STX18: variants seen among roughly 807,000 people sequenced by gnomAD.
STX18 encodes the protein syntaxin-18.
In STX18, 40 loss-of-function variants were observed where a neutral mutation model predicts 50.1. The ratio of observed to expected loss-of-function variants is 0.80; its 90% CI spans 0.62 to 1.04. The LOEUF (loss-of-function observed/expected upper bound fraction) is 1.04. STX18 is among the 50% of genes least tolerant of loss of function. The pLI, the probability that STX18 is intolerant of heterozygous loss-of-function variation, is 0.00. For synonymous variants in STX18, 158 were observed against 151.8 expected (o/e 1.04, Z -0.30); for missense variants, 410 against 415.8 (o/e 0.99, Z 0.12).
chr4:4,449,123 T>G (rs1041283863), intron 5 of STX18, among the ~76,000 whole-genome samples: 3 of 149,714 alleles, frequency 2.0e-5, no homozygotes, highest in African/African-American at 4.9e-5. Flanking sequence ...CATAGCTCAC[T>G]GCAGCCTTGA....
At chr4:4,425,445 T>C in intron 7 of STX18, 1 of 599,826 alleles carries the variant, frequency 1.7e-6, no homozygotes. Context: ...AATTGACTTC[T>C]CCATCTCAAC....
At chr4:4,422,569 C>CAA (rs59060926) in intron 9 of STX18, among the ~76,000 whole-genome samples, 1 of 107,648 alleles carries the variant, frequency 9.3e-6, no homozygotes, top group Non-Finnish European at 2.1e-5. Flanking sequence ...ACTCTGTCTC[C>CAA]AAAAAAAAAA....
intron 5 of STX18, among the ~76,000 whole-genome samples, chr4:4,443,502 A>G (rs1726229229): frequency 6.6e-6 from 1 of 152,266 alleles, no homozygotes; most frequent in African/African-American, 2.4e-5. Flanking sequence ...GTAAGGACCC[A>G]GTAGATCTGA....
chr4:4,535,606 A>G (rs1347143985), intron 1 of STX18, among the ~76,000 whole-genome samples: 1 of 152,126 alleles, frequency 6.6e-6, no homozygotes, highest in African/African-American at 2.4e-5. Flanking sequence ...TCTCTCCCCA[A>G]ACCTCTCACT....
Position 4,420,834 on chromosome 4 carries a change from T to G in STX18, c.912+30A>C. 6.2e-7 allele frequency: 1 copy of G among 1,600,110 alleles called. No individual in the cohort carries two copies. The highest frequency in any genetic ancestry group is 8.6e-7 in the Non-Finnish European group (1 of 1,167,304). ...TGCTGGGACTCAGTGCTGCGCCACGTCGCACCTGGGGAACCTAAACAGTGC... is the reference window on the plus strand; with the variant it reads ...TGCTGGGACTCAGTGCTGCGCCACGGCGCACCTGGGGAACCTAAACAGTGC... On this transcript the variant is annotated intron_variant, in intron 10 of 10. Coordinates refer to ENST00000306200, the MANE Select transcript of STX18 (RefSeq NM_016930.4). The surrounding 1 kb of genome is among the most constrained non-coding windows in gnomAD (Gnocchi z 4.3).
chr4:4,462,693 TA>T (rs1035145547), intron 2 of STX18, among the ~76,000 whole-genome samples: 527 of 138,370 alleles, frequency 3.8e-3, no homozygotes, highest in Admixed American at 3.7e-3. Context: ...AAAACCACCT[TA>T]AAAAAAAAAA....
At chr4:4,519,071 G>C (rs932340904) in intron 1 of STX18, among the ~76,000 whole-genome samples, 2 of 152,108 alleles carry the variant, frequency 1.3e-5, no homozygotes, top group African/African-American at 2.4e-5. Context: ...CTAGGACAGA[G>C]ACAATAAAAT....
Position 4,457,177 on chromosome 4 carries a change from A to T in STX18, c.497+14T>A, listed in dbSNP as rs1727125085. Reference sequence around the variant, plus strand: ...TATTATTAATTAAGAAACACCAATGAAAGCAATACTTACAATCTTTTCTTA... The same window carrying T: ...TATTATTAATTAAGAAACACCAATGTAAGCAATACTTACAATCTTTTCTTA... On this transcript the variant is annotated intron_variant, in intron 5 of 10. Coordinates refer to ENST00000306200, the MANE Select transcript of STX18 (RefSeq NM_016930.4). 1.2e-6 allele frequency: 2 copies of T among 1,610,436 alleles called. No homozygotes were observed. The highest frequency in any genetic ancestry group is 4.5e-5 in the East Asian group (2 of 44,860).
chr4:4,443,301 C>T lies in STX18; in HGVS notation c.498-4792G>A, dbSNP rs149656821. On this transcript the variant is annotated intron_variant, in intron 5 of 10. Transcript: ENST00000306200. ...CCATCAACATGGAACTGGTGGAAGA[C>T]ACTCTGCAGTACTATGGAGCTGTAA... Among the ~76,000 whole-genome samples, 326 of 152,350 alleles carry T rather than the reference C, an allele frequency of 2.1e-3. 6 individuals are homozygous for T. The highest frequency in any genetic ancestry group is 0.011 in the East Asian group (59 of 5,196).
rs530178962 is a variant in STX18, at chr4:4,497,932, T to C, written c.169-26226A>G. 2.6e-5 allele frequency among the ~76,000 whole-genome samples: 4 copies of C among 152,326 alleles called. No individual in the cohort carries two copies. In the South Asian group the frequency reaches 8.3e-4, roughly 32 times the overall value. On this transcript the variant is annotated intron_variant, in intron 1 of 10. Coordinates refer to ENST00000306200, the MANE Select transcript of STX18 (RefSeq NM_016930.4). ...GACACAAGAATGTAAGGAGGTAATA[T>C]GCCTCTGTCCAGAGAGAATGTATTC...
intron 2 of STX18, among the ~76,000 whole-genome samples, chr4:4,471,116 G>C (rs1389109753): frequency 1.3e-5 from 2 of 152,196 alleles, no homozygotes; most frequent in Non-Finnish European, 2.9e-5. Context: ...AAAAGCCTGG[G>C]AGAAGGACAA....
chr4:4,444,374 C>G (rs1726278444), intron 5 of STX18, among the ~76,000 whole-genome samples: 1 of 152,184 alleles, frequency 6.6e-6, no homozygotes, highest in East Asian at 1.9e-4. Flanking sequence ...AGTTTGACCT[C>G]TGGAGGGGCT....
rs4689747 is a variant in STX18, at chr4:4,498,382, T to C, written c.169-26676A>G. On this transcript the variant is annotated intron_variant, in intron 1 of 10. Transcript: ENST00000306200. ...TATTACTGCCAATATATCAGAAAGG[T>C]GTCCCTATTAGACTTACTATATCTT... Among the ~76,000 whole-genome samples the C allele has an allele frequency of 4.0e-3, 610 of 152,318 alleles. 21 individuals carry two copies. Among genetic ancestry groups the C allele is most frequent in the Admixed American group, 0.035 (536 of 15,306 alleles).
At position 4,423,613 on chromosome 4, in the gene STX18, T is replaced by A. The variant is rs180686231; in HGVS notation, c.762-26A>T. 1.8e-3 allele frequency: 2,844 copies of A among 1,607,026 alleles called. 30 individuals are homozygous for A. Among genetic ancestry groups the A allele is most frequent in the South Asian group, 0.011 (983 of 90,948 alleles). On this transcript the variant is annotated intron_variant, in intron 8 of 10. Transcript: ENST00000306200. ...CTTCATAAAAAGAACAGATTACATA[T>A]TAACTATTAGCACTTGGTAATCTAA...
At position 4,505,802 on chromosome 4, in the gene STX18, C is replaced by T. The variant is rs568450230; in HGVS notation, c.169-34096G>A. 1.2e-4 allele frequency among the ~76,000 whole-genome samples: 19 copies of T among 152,032 alleles called. No individual in the cohort carries two copies. The South Asian group carries it at 2.9e-3, about 23-fold the overall frequency. The stretch of plus-strand genomic sequence containing the variant: ...CTGTCTCAAAAAACAAAAACAAAAA[C>T]GAAAAATCGAAGTATGGTTTCTACT... On this transcript the variant is annotated intron_variant, in intron 1 of 10. Transcript: ENST00000306200.
In STX18 at chr4:4,423,734, G is replaced by A. The variant is rs1725090014; in HGVS notation, c.762-147C>T. On this transcript the variant is annotated intron_variant, in intron 8 of 10. Transcript: ENST00000306200. ...TGTCGGCTGGGGGAAGAGGAGATGG[G>A]AGAGGAAGGCGAACTCTCCTTACTG... 1.1e-5 allele frequency: 8 copies of A among 760,414 alleles called. No homozygotes were observed. In the Admixed American group the frequency reaches 1.9e-4, roughly 18 times the overall value. The allele number at this position is 760,414 out of a possible 1,614,324, so 47.1% of individuals were successfully genotyped here. A position where few individuals can be genotyped will look rare whatever the true frequency, so the allele number is the denominator to read the frequency against.
At chr4:4,524,549 A>G (rs1407180328) in intron 1 of STX18, among the ~76,000 whole-genome samples, 3 of 151,888 alleles carry the variant, frequency 2.0e-5, no homozygotes, top group African/African-American at 7.2e-5. Flanking sequence ...CAGAGGGGGC[A>G]TTATGAGAAA....
chr4:4,479,055 T>C (rs1174951827), intron 1 of STX18: 1 of 152,340 alleles, frequency 6.6e-6, no homozygotes, highest in Non-Finnish European at 1.5e-5. Flanking sequence ...AGTTGCTTAA[T>C]CTCCGTGGGC....
intron 1 of STX18, among the ~76,000 whole-genome samples, chr4:4,535,617 C>T (rs1272980119): frequency 6.6e-6 from 1 of 152,162 alleles, no homozygotes; most frequent in Admixed American, 6.5e-5. Flanking sequence ...ACCTCTCACT[C>T]CAGCTTTTAC....
Sources: allele counts gnomAD v4.1 joint callset (sites outside exome capture counted in the v4.1 genomes callset), GRCh38; gene constraint gnomAD v4.1.1; non-coding constraint Gnocchi (gnomAD v3.1); transcripts MANE v1.5; gene names NCBI Gene and HGNC (gene_info 2026-07-23, HGNC 2026-07-21).